Variants in ITPRID2 observed in about 807,000 individuals in gnomAD.
ITPRID2 encodes ITPR interacting domain containing 2.
Under a neutral mutation model 124.3 loss-of-function variants are expected in ITPRID2, and 60 were observed. The observed-to-expected ratio is 0.48, with a 90% CI of 0.39 to 0.60. The LOEUF (loss-of-function observed/expected upper bound fraction) is 0.60. Among genes scored for constraint, ITPRID2 ranks in the 20% least tolerant of loss-of-function variants. The pLI, the probability that ITPRID2 is intolerant of heterozygous loss-of-function variation, is 0.00. For synonymous variants in ITPRID2, 521 were observed against 542.9 expected (o/e 0.96, Z 0.56); for missense variants, 1,553 against 1,512.2 (o/e 1.03, Z -0.45).
intron 7 of ITPRID2, among the ~76,000 whole-genome samples, chr2:181,901,564 T>C (rs1001479820): frequency 2.6e-5 from 4 of 152,168 alleles, no homozygotes; most frequent in African/African-American, 9.6e-5. Flanking sequence ...ATACAAATTC[T>C]AGTGCTTAGA....
At chr2:181,923,633 C>A (rs1233980257) in intron 16 of ITPRID2, among the ~76,000 whole-genome samples, 1 of 151,938 alleles carries the variant, frequency 6.6e-6, no homozygotes, top group South Asian at 2.1e-4. Context: ...TGTAATTATT[C>A]TTCTCCACAC....
At position 181,891,818 on chromosome 2, in the gene ITPRID2, C is replaced by T. The variant is rs1691706095; in HGVS notation, c.-249C>T. On this transcript the variant is annotated 5_prime_UTR_variant, in exon 1 of 18. Coordinates refer to ENST00000431877, the MANE Select transcript of ITPRID2 (RefSeq NM_001130445.3). The stretch of plus-strand genomic sequence containing the variant: ...GGGCGCTCGGCTCCCAGCCGCGCTC[C>T]CTCGGGCCACTAGCGCTCCCGCGCG... 2 of 346,102 alleles carry T rather than the reference C, an allele frequency of 5.8e-6. No individual in the cohort carries two copies. Among genetic ancestry groups the T allele is most frequent in the South Asian group, 4.4e-5 (1 of 22,944 alleles). The allele number at this position is 346,102 out of a possible 1,614,324, so 21.4% of individuals were successfully genotyped here.
At chr2:181,924,574 G>A (rs183625485) in intron 16 of ITPRID2, among the ~76,000 whole-genome samples, 23 of 152,270 alleles carry the variant, frequency 1.5e-4, no homozygotes, top group African/African-American at 4.6e-4. Flanking sequence ...AAGCATGTTT[G>A]GCAGGCACTT....
chr2:181,898,616 CG>C (rs1692404969), intron 4 of ITPRID2, among the ~76,000 whole-genome samples: 1 of 152,008 alleles, frequency 6.6e-6, no homozygotes, highest in Admixed American at 6.6e-5. Context: ...GTTCCCTATA[CG>C]TTTTTTTATT....
chr2:181,906,921 C>G (rs183623239), intron 8 of ITPRID2, among the ~76,000 whole-genome samples: 6 of 152,250 alleles, frequency 3.9e-5, no homozygotes, highest in Admixed American at 3.9e-4. Context: ...TCATCTGATG[C>G]ACAGCACCAT....
At chr2:181,898,775 C>T in intron 4 of ITPRID2, 105 bp from the exon 5 acceptor site, 1 of 827,036 alleles carries the variant, frequency 1.2e-6, no homozygotes, top group Non-Finnish European at 2.0e-6. Context: ...ATATATTTGG[C>T]ATTTAATTCT....
At position 181,892,690 on chromosome 2, in the gene ITPRID2, G is replaced by C; in HGVS notation, c.257+30G>C. The C allele has an allele frequency of 5.0e-6, 8 of 1,613,028 alleles. No individual in the cohort carries two copies. Among genetic ancestry groups the C allele is most frequent in the Non-Finnish European group, 6.8e-6 (8 of 1,179,384 alleles). ...GTGCTCCCTGGTCCGCCCGCGTCCC[G>C]GGGGAGATCCGTGCGGACGGGACGC... On this transcript the variant is annotated intron_variant, in intron 2 of 17. Coordinates refer to ENST00000431877, the MANE Select transcript of ITPRID2 (RefSeq NM_001130445.3). The surrounding 1 kb of genome is among the most constrained non-coding windows in gnomAD (Gnocchi z 5.2).
rs1199181024 is a variant in ITPRID2, at chr2:181,896,859, G to C, written c.308-49G>C. ...AACTAAAACAGTGATTTTATATGAG[G>C]GTGGAGAGGAACAGAACACCAGGAT... On this transcript the variant is annotated intron_variant, in intron 3 of 17. Coordinates refer to ENST00000431877, the MANE Select transcript of ITPRID2 (RefSeq NM_001130445.3). The surrounding 1 kb of genome is among the most constrained non-coding windows in gnomAD (Gnocchi z 4.3). 3.5e-6 allele frequency: 5 copies of C among 1,419,532 alleles called. No individual in the cohort carries two copies. The highest frequency in any genetic ancestry group is 2.8e-5 in the African/African-American group (2 of 70,856). 87.9% of individuals were successfully genotyped at this position (1,419,532 alleles called of 1,614,324 possible).
rs546605070 is a variant in ITPRID2, at chr2:181,907,846, G to C, written c.1414-2053G>C. Among the ~76,000 whole-genome samples the C allele has an allele frequency of 6.6e-6, 1 of 152,260 alleles. No individual in the cohort carries two copies. The highest frequency in any genetic ancestry group is 1.9e-4 in the East Asian group (1 of 5,186). ...TCTGATTTTGCTGAGTAAACAAGAAGAATCCCAACTTTAGTTTTATTAGTA... is the reference window on the plus strand; with the variant it reads ...TCTGATTTTGCTGAGTAAACAAGAACAATCCCAACTTTAGTTTTATTAGTA... On this transcript the variant is annotated intron_variant, in intron 8 of 17. Transcript: ENST00000431877. The surrounding 1 kb of genome is among the most constrained non-coding windows in gnomAD (Gnocchi z 5.1).
intron 8 of ITPRID2, among the ~76,000 whole-genome samples, chr2:181,903,596 G>A (rs993308768): frequency 2.8e-5 from 4 of 145,028 alleles, no homozygotes; most frequent in African/African-American, 1.0e-4. Context: ...TTGCCTTTTT[G>A]TGGTCTGTTA....
At chr2:181,901,587 C>T (rs770430178) in intron 7 of ITPRID2, among the ~76,000 whole-genome samples, 179 bp from the exon 8 acceptor site, 1 of 152,064 alleles carries the variant, frequency 6.6e-6, no homozygotes, top group Non-Finnish European at 1.5e-5. Context: ...AAAAATCTTG[C>T]TCCTTCCCAC....
intron 2 of ITPRID2, among the ~76,000 whole-genome samples, chr2:181,895,192 A>T (rs1220576192): frequency 7.2e-5 from 11 of 152,062 alleles, no homozygotes; most frequent in Non-Finnish European, 1.6e-4. Context: ...AATTTTTAAC[A>T]GCTATAAATT....
intron 16 of ITPRID2, 115 bp from the exon 17 acceptor site, chr2:181,928,046 T>G (rs1175884946): frequency 3.0e-6 from 2 of 674,266 alleles, no homozygotes; most frequent in East Asian, 2.9e-5. Flanking sequence ...TGCAGGGAGA[T>G]TCACATGAAG....
intron 11 of ITPRID2, 86 bp from the exon 12 acceptor site, chr2:181,918,512 C>T (rs1694245853): frequency 1.3e-6 from 2 of 1,561,398 alleles, no homozygotes; most frequent in East Asian, 2.2e-5. Context: ...AATATATAGG[C>T]CCCAAATTCT....
At chr2:181,899,752 T>C (rs573161808) in intron 6 of ITPRID2, among the ~76,000 whole-genome samples, 8 of 152,264 alleles carry the variant, frequency 5.3e-5, no homozygotes, top group Admixed American at 2.0e-4. Context: ...GCTGAAGTGG[T>C]ACCCAGGAGG....
intron 8 of ITPRID2, among the ~76,000 whole-genome samples, chr2:181,906,681 G>A (rs962015708): frequency 6.6e-6 from 1 of 152,030 alleles, no homozygotes; most frequent in East Asian, 1.9e-4. Flanking sequence ...TGAGGCTGCA[G>A]TGAGCCATGA....
Position 181,915,802 on chromosome 2 carries a change from TAAA to T in ITPRID2, c.2164_2166del (p.Lys722del), listed in dbSNP as rs1158573707. 6.2e-7 allele frequency: 1 copy of T among 1,614,206 alleles called. No homozygotes were observed. Among genetic ancestry groups the T allele is most frequent in the Admixed American group, 1.7e-5 (1 of 60,030 alleles). On this transcript the variant is annotated inframe_deletion, in exon 11 of 18. Transcript: ENST00000431877. Reference sequence around the variant, plus strand: ...AGCCTGCTAAAATCAAAAGATTTGTTAAAACAAAGGTACTTATTTGCAAAAGCT... The same window carrying T: ...AGCCTGCTAAAATCAAAAGATTTGTTACAAAGGTACTTATTTGCAAAAGCT...
chr2:181,922,179 G>C lies in ITPRID2; in HGVS notation c.3442G>C (p.Val1148Leu), dbSNP rs1399714568. The C allele has an allele frequency of 6.2e-7, 1 of 1,614,236 alleles. No individual in the cohort carries two copies. Among genetic ancestry groups the C allele is most frequent in the Non-Finnish European group, 8.5e-7 (1 of 1,180,048 alleles). ...SKTPLVARKKVFRASVALTPT... is the reference protein window; with the variant it reads ...SKTPLVARKKLFRASVALTPT... ...AACCCCATTAGTGGCAAGGAAGAAA[G>C]TGTTCCGAGCATCGGTGGCTCTAAC... The change falls in exon 16 of 18, where the codon GTG becomes CTG. Residue 1148 changes from valine (V) to leucine (L), a missense_variant. Coordinates refer to ENST00000431877, the MANE Select transcript of ITPRID2 (RefSeq NM_001130445.3).
Position 181,919,312 on chromosome 2 carries a change from C to T in ITPRID2, c.3010C>T (p.Leu1004Phe). ...TACCAATAGGTTTGAAGTTGATCAGCTCCAGGGTTTGAGAAATTCAGTCCG... is the reference window on the plus strand; with the variant it reads ...TACCAATAGGTTTGAAGTTGATCAGTTCCAGGGTTTGAGAAATTCAGTCCG... ...TEEERFEVDQ[L>F]QGLRNSVRME... Residue 1004 changes from leucine to phenylalanine, a missense_variant, in exon 14 of 18, where the codon CTC becomes TTC. Physicochemically the swap from Leu to Phe is conservative, Grantham distance 22. Coordinates refer to ENST00000431877, the MANE Select transcript of ITPRID2 (RefSeq NM_001130445.3). This position sits in a 1 kb window ranked among gnomAD's most constrained non-coding sequence, Gnocchi z 4.2. The T allele has an allele frequency of 6.2e-7, 1 of 1,614,118 alleles. No homozygotes were observed. Among genetic ancestry groups the T allele is most frequent in the Non-Finnish European group, 8.5e-7 (1 of 1,180,044 alleles).
Sources: gnomAD v4.1 joint callset for allele counts (sites outside exome capture counted in the v4.1 genomes callset) on GRCh38, gnomAD v4.1.1 for gene constraint, Gnocchi (gnomAD v3.1) non-coding constraint, MANE v1.5 for transcripts, NCBI Gene and HGNC (gene_info 2026-07-23, HGNC 2026-07-21) for gene names.